Variants in GOLM2 observed in about 807,000 individuals in gnomAD.
GOLM2 encodes golgi membrane protein 2.
In GOLM2, 26 loss-of-function variants were observed where a neutral mutation model predicts 55.9. The observed-to-expected ratio is 0.47, with a 90% CI of 0.34 to 0.65. The LOEUF is 0.65. GOLM2 is among the 30% of genes least tolerant of loss of function. The pLI is 0.01. For synonymous variants in GOLM2, 165 were observed against 194.6 expected, an observed-to-expected ratio of 0.85 and a Z score of 1.27; for missense variants, 486 against 531.8, an observed-to-expected ratio of 0.91 and a Z score of 0.85.
rs1020613872 is a variant in GOLM2, at chr15:44,400,881, G to A, written c.1073-2006G>A. 2.6e-5 allele frequency among the ~76,000 whole-genome samples: 4 copies of A among 151,678 alleles called. No homozygotes were observed. In the South Asian group the frequency reaches 6.2e-4, roughly 24 times the overall value. On this transcript the variant is annotated intron_variant, in intron 8 of 9. Coordinates refer to ENST00000299957, the MANE Select transcript of GOLM2 (RefSeq NM_138423.4). Reference sequence around the variant, plus strand: ...TGAGCCACCACGCCTGGCCACACCCGCCCTTCTTTAAAAGCCTCTGTAAGT... The same window carrying A: ...TGAGCCACCACGCCTGGCCACACCCACCCTTCTTTAAAAGCCTCTGTAAGT...
chr15:44,381,291 T>C (rs2079401288), intron 8 of GOLM2, among the ~76,000 whole-genome samples: 1 of 152,168 alleles, frequency 6.6e-6, no homozygotes, highest in South Asian at 2.1e-4. Flanking sequence ...TATATTTTGA[T>C]AGGCTTACAA....
intron 1 of GOLM2, among the ~76,000 whole-genome samples, chr15:44,311,560 G>A (rs543496571): frequency 1.3e-5 from 2 of 152,124 alleles, no homozygotes; most frequent in South Asian, 4.2e-4. Flanking sequence ...AAGGGCCTGG[G>A]ATGAGAACTA....
At chr15:44,365,832 G>C (rs2079279536) in intron 6 of GOLM2, among the ~76,000 whole-genome samples, 1 of 152,152 alleles carries the variant, frequency 6.6e-6, no homozygotes, top group African/African-American at 2.4e-5. Flanking sequence ...ATGTAAACTA[G>C]GGACCTTGGG....
intron 1 of GOLM2, among the ~76,000 whole-genome samples, chr15:44,306,443 G>T (rs1046553747): frequency 1.3e-5 from 2 of 152,120 alleles, no homozygotes; most frequent in Non-Finnish European, 2.9e-5. Flanking sequence ...AGGGAATATT[G>T]TGGTTAGTTT....
intron 6 of GOLM2, among the ~76,000 whole-genome samples, chr15:44,351,576 C>CAA (rs1175016633): frequency 0.02 from 893 of 43,882 alleles, 12 homozygotes; most frequent in East Asian, 0.068. Flanking sequence ...GACTCTGTCT[C>CAA]AAAAAAAAAA....
intron 6 of GOLM2, among the ~76,000 whole-genome samples, chr15:44,368,207 G>A (rs1460452062): frequency 1.3e-5 from 2 of 151,444 alleles, no homozygotes; most frequent in East Asian, 1.9e-4. Context: ...GCATGATATC[G>A]GCTCATTGCA....
intron 6 of GOLM2, among the ~76,000 whole-genome samples, chr15:44,361,115 T>C (rs2079234923): frequency 6.7e-6 from 1 of 148,894 alleles, no homozygotes; most frequent in African/African-American, 2.5e-5. Context: ...AGATCCAAAA[T>C]TGACACCCTA....
chr15:44,410,398 T>C (rs1015142149), intron 9 of GOLM2, among the ~76,000 whole-genome samples: 1 of 152,206 alleles, frequency 6.6e-6, no homozygotes, highest in African/African-American at 2.4e-5. Context: ...GCCACTGCGC[T>C]CCAGCCTGGG....
intron 8 of GOLM2, among the ~76,000 whole-genome samples, chr15:44,399,542 T>TA (rs891569481): frequency 3.3e-5 from 5 of 152,102 alleles, no homozygotes; most frequent in Non-Finnish European, 7.3e-5. Context: ...ATCAAACACC[T>TA]AAAAAAAGGA....
rs769662173 is a variant in GOLM2 at position 44,379,782 on chromosome 15, C to T, written c.895C>T (p.Pro299Ser). ...PTGQPLSPNMPPDSHINHNGN... is the reference protein window; with the variant it reads ...PTGQPLSPNMSPDSHINHNGN... The stretch of plus-strand genomic sequence containing the variant: ...TGGACAACCTCTCTCCCCAAATATG[C>T]CTCCAGGTATGAAGGCTTATGCTTA... The change falls in exon 7 of 10, where the codon CCT (proline) becomes TCT (serine). Residue 299 changes from proline to serine, a missense_variant. By Grantham distance (74) the Pro-to-Ser change is moderately conservative. Transcript: ENST00000299957. The T allele has an allele frequency of 6.3e-7, 1 of 1,595,144 alleles. No homozygotes were observed. Among genetic ancestry groups the T allele is most frequent in the South Asian group, 1.1e-5 (1 of 90,662 alleles).
At chr15:44,306,697 C>A (rs907815633) in intron 1 of GOLM2, among the ~76,000 whole-genome samples, 1 of 152,130 alleles carries the variant, frequency 6.6e-6, no homozygotes, top group African/African-American at 2.4e-5. Flanking sequence ...ACATACAACT[C>A]TTTTACTTGA....
intron 8 of GOLM2, among the ~76,000 whole-genome samples, chr15:44,401,898 C>T (rs1034565334): frequency 4.8e-5 from 7 of 146,206 alleles, no homozygotes; most frequent in East Asian, 2.0e-4. Context: ...GGTGTGATCT[C>T]GGATCACTAC....
intron 1 of GOLM2, among the ~76,000 whole-genome samples, chr15:44,301,195 C>T (rs2078795112): frequency 6.6e-6 from 1 of 152,194 alleles, no homozygotes; most frequent in Admixed American, 6.5e-5. Context: ...ATCCTCCCGC[C>T]TCAGCATCTC....
intron 1 of GOLM2, among the ~76,000 whole-genome samples, chr15:44,313,962 G>A (rs1273563601): frequency 2.0e-5 from 3 of 152,138 alleles, no homozygotes; most frequent in Non-Finnish European, 2.9e-5. Flanking sequence ...TGGGGGCCAG[G>A]CGCAGTGGCT....
chr15:44,373,094 C>A (rs758965422), intron 6 of GOLM2, among the ~76,000 whole-genome samples: 6 of 152,242 alleles, frequency 3.9e-5, no homozygotes. Flanking sequence ...ATCTCCCCAA[C>A]AAGAATGTAA....
intron 8 of GOLM2, among the ~76,000 whole-genome samples, chr15:44,384,314 T>C (rs113790523): frequency 4.0e-4 from 61 of 152,228 alleles, no homozygotes; most frequent in African/African-American, 1.5e-3. Context: ...GGATATTTCA[T>C]ATAAAAGGAA....
At chr15:44,317,580 G>C (rs2078919631) in intron 1 of GOLM2, among the ~76,000 whole-genome samples, 1 of 152,038 alleles carries the variant, frequency 6.6e-6, no homozygotes. Context: ...GTAGTTGTTG[G>C]TGTCAGGTTT....
intron 1 of GOLM2, among the ~76,000 whole-genome samples, chr15:44,317,194 G>A (rs1373512537): frequency 6.6e-6 from 1 of 151,806 alleles, no homozygotes; most frequent in Non-Finnish European, 1.5e-5. Flanking sequence ...TTAAAAAAGT[G>A]AGACCCCCCC....
intron 1 of GOLM2, among the ~76,000 whole-genome samples, chr15:44,312,080 G>A (rs1402235110): frequency 2.0e-5 from 3 of 152,078 alleles, no homozygotes; most frequent in Non-Finnish European, 4.4e-5. Context: ...ACTTTATCTG[G>A]ACCTCTAATC....
Sources: gnomAD v4.1 joint callset for allele counts (sites outside exome capture counted in the v4.1 genomes callset) on GRCh38, gnomAD v4.1.1 for gene constraint, MANE v1.5 for transcripts, NCBI Gene and HGNC (gene_info 2026-07-23, HGNC 2026-07-21) for gene names.